The following GTF2E2 variants were observed in gnomAD, a reference collection of about 807,000 sequenced individuals.
GTF2E2 encodes general transcription factor IIE subunit 2.
Under a neutral mutation model 40.5 loss-of-function variants are expected in GTF2E2, and 21 were observed. That is an observed-to-expected ratio of 0.52 (90% CI 0.37 to 0.75). The LOEUF (loss-of-function observed/expected upper bound fraction) is 0.75. GTF2E2 is among the 30% of genes least tolerant of loss of function. GTF2E2 has a pLI of 0.00. For missense variants in GTF2E2, 298 were observed against 338.4 expected, an observed-to-expected ratio of 0.88 and a Z score of 0.94; for synonymous variants, 117 against 121.6, an observed-to-expected ratio of 0.96 and a Z score of 0.25.
At chr8:30,640,623 T>A (rs1459206998) in intron 2 of GTF2E2, among the ~76,000 whole-genome samples, 4 of 152,264 alleles carry the variant, frequency 2.6e-5, no homozygotes, top group Non-Finnish European at 5.9e-5. Context: ...TCATAAAGAA[T>A]GTTTACAGCA....
intron 2 of GTF2E2, among the ~76,000 whole-genome samples, chr8:30,647,632 G>A (rs557252827): frequency 1.6e-4 from 24 of 152,180 alleles, no homozygotes; most frequent in Middle Eastern, 3.4e-3. Flanking sequence ...CTTCCACAAA[G>A]TATTTTTTAT....
chr8:30,615,404 C>G (rs146179114), intron 3 of GTF2E2, among the ~76,000 whole-genome samples: 12 of 152,256 alleles, frequency 7.9e-5, no homozygotes, highest in African/African-American at 2.9e-4. Context: ...GAAACTTATC[C>G]TACAGAAATA....
At chr8:30,635,175 T>C (rs1304610852) in intron 2 of GTF2E2, 52 bp from the exon 3 acceptor site, 1 of 974,990 alleles carries the variant, frequency 1.0e-6, no homozygotes, top group Non-Finnish European at 1.6e-6. Context: ...ATTATGACTC[T>C]TGAGCAGCTA....
intron 5 of GTF2E2, among the ~76,000 whole-genome samples, chr8:30,609,004 C>T (rs997474745): frequency 6.6e-6 from 1 of 152,142 alleles, no homozygotes; most frequent in Non-Finnish European, 1.5e-5. Flanking sequence ...CCGCCTCGGC[C>T]TCCCAAAGTG....
At chr8:30,651,932 T>C (rs1178065656) in intron 2 of GTF2E2, among the ~76,000 whole-genome samples, 2 of 152,192 alleles carry the variant, frequency 1.3e-5, no homozygotes, top group African/African-American at 2.4e-5. Context: ...ATTTATGGTC[T>C]ACTAATATTC....
At chr8:30,637,719 C>T (rs1801654986) in intron 2 of GTF2E2, among the ~76,000 whole-genome samples, 1 of 152,160 alleles carries the variant, frequency 6.6e-6, no homozygotes, top group Non-Finnish European at 1.5e-5. Context: ...GATGGGGTTT[C>T]ACCATCTTGG....
chr8:30,633,655 T>C (rs1359195452), intron 3 of GTF2E2, among the ~76,000 whole-genome samples: 1 of 152,104 alleles, frequency 6.6e-6, no homozygotes, highest in African/African-American at 2.4e-5. Flanking sequence ...ATTAACAGAG[T>C]AGCAAAAACA....
At chr8:30,647,556 G>C (rs937602079) in intron 2 of GTF2E2, among the ~76,000 whole-genome samples, 4 of 152,178 alleles carry the variant, frequency 2.6e-5, no homozygotes, top group Admixed American at 2.0e-4. Context: ...ACTCCAGCCT[G>C]AACAACAAGA....
intron 3 of GTF2E2, among the ~76,000 whole-genome samples, chr8:30,626,834 T>A (rs1251037518): frequency 6.6e-6 from 1 of 152,242 alleles, no homozygotes; most frequent in Admixed American, 6.5e-5. Flanking sequence ...TTGTGCAGCA[T>A]CTGTGGCAAA....
At chr8:30,591,474 A>T (rs1024489534) in intron 6 of GTF2E2, among the ~76,000 whole-genome samples, 6 of 152,142 alleles carry the variant, frequency 3.9e-5, no homozygotes, top group African/African-American at 1.2e-4. Flanking sequence ...ACAGAGTGAG[A>T]CCCTGTTTCT....
chr8:30,638,390 T>C (rs548748793), intron 2 of GTF2E2, among the ~76,000 whole-genome samples: 4 of 152,234 alleles, frequency 2.6e-5, no homozygotes, highest in East Asian at 1.9e-4. Flanking sequence ...CAAATTCCTA[T>C]ATAGGAATTT....
chr8:30,589,095 T>C (rs1351891035), intron 6 of GTF2E2, among the ~76,000 whole-genome samples: 1 of 150,458 alleles, frequency 6.6e-6, no homozygotes, highest in Non-Finnish European at 1.5e-5. Context: ...CTACTAAAAA[T>C]GCAAAAAAAA....
At chr8:30,618,337 ATACTAT>A (rs1413815687) in intron 3 of GTF2E2, among the ~76,000 whole-genome samples, 2 of 151,998 alleles carry the variant, frequency 1.3e-5, no homozygotes, top group Non-Finnish European at 2.9e-5. Context: ...GGACTGACAA[ATACTAT>A]TAGTAAAGTG....
intron 2 of GTF2E2, chr8:30,643,553 G>C (rs1211824759): frequency 6.6e-6 from 1 of 152,112 alleles, no homozygotes; most frequent in Non-Finnish European, 1.5e-5. Context: ...CTACTCAGGA[G>C]GCTGAGGCAG....
chr8:30,578,936 A>G lies in GTF2E2; in HGVS notation c.861T>C (p.Ile287=). The change falls in exon 8 of 8, where the codon ATT becomes ATC. Residue 287 remains isoleucine (I), a synonymous_variant. Coordinates refer to ENST00000355904, the MANE Select transcript of GTF2E2 (RefSeq NM_002095.6). Reference sequence around the variant, plus strand: ...AAACTGTTCCCTATTTGCTGGAAGTAATGTCAGAGTAATCCTTCAGCACTC... The same window carrying G: ...AAACTGTTCCCTATTTGCTGGAAGTGATGTCAGAGTAATCCTTCAGCACTC... ...LAGVLKDYSD[I]TSSK 1 of 1,549,896 alleles carries G rather than the reference A, an allele frequency of 6.5e-7. No homozygotes were observed. The highest frequency in any genetic ancestry group is 8.9e-7 in the Non-Finnish European group (1 of 1,121,414).
intron 6 of GTF2E2, among the ~76,000 whole-genome samples, chr8:30,606,731 G>C (rs1402615690): frequency 2.6e-5 from 4 of 152,092 alleles, no homozygotes; most frequent in Non-Finnish European, 1.5e-5. Flanking sequence ...CCTGTATCAA[G>C]CTTTTGTATC....
intron 6 of GTF2E2, among the ~76,000 whole-genome samples, chr8:30,599,851 C>T (rs561868439): frequency 6.6e-6 from 1 of 152,058 alleles, no homozygotes; most frequent in Admixed American, 6.5e-5. Context: ...GGCGTGGTGG[C>T]ACCCACCTGC....
intron 2 of GTF2E2, chr8:30,644,466 T>C (rs996582230): frequency 1.3e-5 from 2 of 152,196 alleles, no homozygotes; most frequent in Non-Finnish European, 2.9e-5. Context: ...TTATTTGGTT[T>C]TCTTTCTCTA....
chr8:30,654,568 A>C (rs1221740426), intron 1 of GTF2E2, among the ~76,000 whole-genome samples: 1 of 151,774 alleles, frequency 6.6e-6, no homozygotes, highest in East Asian at 1.9e-4. Context: ...ACACACAGTT[A>C]ATTTTTTTAA....
Sources: gnomAD v4.1 joint callset for allele counts (sites outside exome capture counted in the v4.1 genomes callset) on GRCh38, gnomAD v4.1.1 for gene constraint, MANE v1.5 for transcripts, NCBI Gene and HGNC (gene_info 2026-07-23, HGNC 2026-07-21) for gene names.